SLC44A5: variants seen among roughly 807,000 people sequenced by gnomAD.
SLC44A5 encodes solute carrier family 44 member 5.
SLC44A5 carries 57 observed loss-of-function variants against 101.8 expected under a neutral mutation model. That is an observed-to-expected ratio of 0.56 (90% confidence interval 0.45 to 0.70). The LOEUF (loss-of-function observed/expected upper bound fraction) is 0.70. Ranked by LOEUF, SLC44A5 falls within the 30% of genes least tolerant of loss-of-function variation. The pLI, the probability that SLC44A5 is intolerant of heterozygous loss-of-function variation, is 0.00. For synonymous variants in SLC44A5, 281 were observed against 290.9 expected (o/e 0.97, Z 0.35); for missense variants, 737 against 853.1 (o/e 0.86, Z 1.70).
Position 75,251,441 on chromosome 1 carries a change from C to T in SLC44A5, c.261-147G>A, listed in dbSNP as rs576007912. Reference sequence around the variant, plus strand: ...ATATATTCTCCCTCTCCCTTAGGTACCTAACCTTTAAAGTATCTTTTTTTT... The same window carrying T: ...ATATATTCTCCCTCTCCCTTAGGTATCTAACCTTTAAAGTATCTTTTTTTT... On this transcript the variant is annotated intron_variant, in intron 6 of 23. Transcript: ENST00000370859. 9 of 599,016 alleles carry T rather than the reference C, an allele frequency of 1.5e-5. No individual in the cohort carries two copies. The African/African-American group carries it at 1.7e-4, about 11-fold the overall frequency. 37.1% of individuals were successfully genotyped at this position (599,016 alleles called of 1,614,324 possible). A position where few individuals can be genotyped will look rare whatever the true frequency, so the allele number is the denominator to read the frequency against.
At chr1:75,684,443 T>C in the SLC44A5 span, among the ~76,000 whole-genome samples, 2 of 152,106 alleles carry the variant, frequency 1.3e-5, no homozygotes, top group Non-Finnish European at 2.9e-5. Context: ...GCAAGTTCCT[T>C]ATACCTAGGA....
chr1:75,459,620 C>T (rs1666386466), intron 2 of SLC44A5, among the ~76,000 whole-genome samples: 1 of 152,068 alleles, frequency 6.6e-6, no homozygotes, highest in Non-Finnish European at 1.5e-5. Flanking sequence ...GCCCAAGTAA[C>T]ATAGTTAGCA....
chr1:75,698,019 C>A, the SLC44A5 span, among the ~76,000 whole-genome samples: 1 of 152,230 alleles, frequency 6.6e-6, no homozygotes, highest in Admixed American at 6.5e-5. Flanking sequence ...CGGAGTCTCA[C>A]TGATTGCTAG....
At chr1:75,677,733 T>C in the SLC44A5 span, 138 of 441,180 alleles carry the variant, frequency 3.1e-4, 1 homozygote, top group South Asian at 2.2e-3. Context: ...CTGTTACCTA[T>C]AAAAAACACA....
At chr1:75,686,097 C>G in the SLC44A5 span, among the ~76,000 whole-genome samples, 2 of 152,064 alleles carry the variant, frequency 1.3e-5, no homozygotes, top group Admixed American at 1.3e-4. Context: ...GGTAACCACC[C>G]CCATGGTTCA....
rs201477888 is a variant in SLC44A5, at chr1:75,452,595, CAA to C, written c.14-55976_14-55975del. Among the ~76,000 whole-genome samples, 924 of 152,210 alleles carry C rather than the reference CAA, an allele frequency of 6.1e-3. 14 individuals carry two copies. The highest frequency in any genetic ancestry group is 0.021 in the African/African-American group (873 of 41,526). On this transcript the variant is annotated intron_variant, in intron 2 of 23. Transcript: ENST00000370859. ...TAGTCTAAATTCCTCAGTTAAAAGG[CAA>C]AGAGTGGCAAGTTGAATAAGTAAAC... is the stretch of plus-strand genomic sequence containing the variant.
At chr1:75,272,786 C>T (rs559611626) in intron 6 of SLC44A5, among the ~76,000 whole-genome samples, 1 of 152,260 alleles carries the variant, frequency 6.6e-6, no homozygotes, top group Admixed American at 6.5e-5. Context: ...GTTTTGGTGA[C>T]TATGGCCTTA....
the SLC44A5 span, among the ~76,000 whole-genome samples, chr1:75,647,822 C>T: frequency 6.6e-6 from 1 of 152,148 alleles, no homozygotes; most frequent in African/African-American, 2.4e-5. Flanking sequence ...CCCATTGTAC[C>T]TTGGAAGTAA....
chr1:75,628,695 G>A, the SLC44A5 span, among the ~76,000 whole-genome samples: 2 of 152,108 alleles, frequency 1.3e-5, no homozygotes, highest in African/African-American at 2.4e-5. Flanking sequence ...TCAAAAAATT[G>A]TAGCCATCAA....
chr1:75,462,604 C>T (rs1199242879), intron 2 of SLC44A5, among the ~76,000 whole-genome samples: 1 of 151,968 alleles, frequency 6.6e-6, no homozygotes, highest in Non-Finnish European at 1.5e-5. Context: ...AATTCAAAAG[C>T]TGTTTTGAGG....
At chr1:75,661,386 G>GAAA in the SLC44A5 span, among the ~76,000 whole-genome samples, 6 of 10,372 alleles carry the variant, frequency 5.8e-4, no homozygotes, top group East Asian at 0.014. Flanking sequence ...ACTACTGCAA[G>GAAA]TAAAAAAAAA....
chr1:75,268,348 T>C (rs1355611348), intron 6 of SLC44A5, among the ~76,000 whole-genome samples: 1 of 152,204 alleles, frequency 6.6e-6, no homozygotes, highest in African/African-American at 2.4e-5. Flanking sequence ...ACAAGGTAAC[T>C]ACCTCCCATT....
intron 6 of SLC44A5, among the ~76,000 whole-genome samples, chr1:75,265,162 A>G (rs1650885422): frequency 1.3e-5 from 2 of 152,220 alleles, no homozygotes; most frequent in Admixed American, 1.3e-4. Flanking sequence ...TCACTGCTGA[A>G]TTTTACCAGA....
chr1:75,525,471 A>G (rs147058726), intron 2 of SLC44A5, among the ~76,000 whole-genome samples: 4 of 152,318 alleles, frequency 2.6e-5, no homozygotes, highest in African/African-American at 9.6e-5. Context: ...CATGCAGAAG[A>G]AATCAGACAA....
chr1:75,292,504 C>T (rs973490107), intron 5 of SLC44A5, among the ~76,000 whole-genome samples: 1 of 151,948 alleles, frequency 6.6e-6, no homozygotes, highest in African/African-American at 2.4e-5. Context: ...GAAAGAAAAC[C>T]AACTATTTAG....
intron 4 of SLC44A5, among the ~76,000 whole-genome samples, chr1:75,328,735 AC>A (rs1656799051): frequency 1.3e-5 from 2 of 152,116 alleles, no homozygotes; most frequent in African/African-American, 4.8e-5. Context: ...TGGCTTTCAA[AC>A]CTCTCTACAA....
Position 75,218,542 on chromosome 1 carries a change from G to GT in SLC44A5, c.1476dup (p.Pro493ThrfsTer2). On this transcript the variant is annotated frameshift_variant, in exon 17 of 24. Transcript: ENST00000370859. LOFTEE classifies it high-confidence loss of function. ...AGTGGATATCGTGGGATGTCATCAGGTTTTTTCATGGCCCAGTAATAAGTA... is the reference window on the plus strand; with the variant it reads ...AGTGGATATCGTGGGATGTCATCAGGTTTTTTTCATGGCCCAGTAATAAGTA... 6.2e-7 allele frequency: 1 copy of GT among 1,613,788 alleles called. No homozygotes were observed. The highest frequency in any genetic ancestry group is 1.3e-5 in the African/African-American group (1 of 75,024).
At chr1:75,590,585 TC>T (rs1248650424) in intron 1 of SLC44A5, among the ~76,000 whole-genome samples, 5 of 151,676 alleles carry the variant, frequency 3.3e-5, no homozygotes, top group Admixed American at 3.3e-4. Context: ...CTGAGGGGAG[TC>T]TAGTCTCAGG....
chr1:75,715,933 G>GA, the SLC44A5 span, among the ~76,000 whole-genome samples: 1 of 152,080 alleles, frequency 6.6e-6, no homozygotes, highest in Non-Finnish European at 1.5e-5. Flanking sequence ...TCAATATCTA[G>GA]AATCTATAAG....
Sources: gnomAD v4.1 joint callset for allele counts (sites outside exome capture counted in the v4.1 genomes callset) on GRCh38, gnomAD v4.1.1 for gene constraint, MANE v1.5 for transcripts, NCBI Gene and HGNC (gene_info 2026-07-23, HGNC 2026-07-21) for gene names.